The following COL4A1 variants were observed in gnomAD, a reference collection of about 807,000 sequenced individuals.
COL4A1 encodes collagen alpha-1(IV) chain.
Under a neutral mutation model 216.6 loss-of-function variants are expected in COL4A1, and 40 were observed. The observed-to-expected ratio is 0.18, with a 90% CI of 0.14 to 0.24. COL4A1 has a LOEUF of 0.24. Ranked by LOEUF, COL4A1 falls within the 10% of genes least tolerant of loss-of-function variation. COL4A1 has a pLI of 1.00. For synonymous variants in COL4A1, 839 were observed against 810.7 expected (o/e 1.03, Z -0.59); for missense variants, 1,628 against 2,196.8 (o/e 0.74, Z 5.18).
chr13:110,199,840 T>C (rs1382220788), intron 20 of COL4A1, among the ~76,000 whole-genome samples: 3 of 152,188 alleles, frequency 2.0e-5, no homozygotes, highest in East Asian at 3.9e-4. Flanking sequence ...TGAGGAGACA[T>C]GAAGTCACAC....
chr13:110,168,571 G>A (rs1208664388), intron 43 of COL4A1, among the ~76,000 whole-genome samples: 1 of 152,318 alleles, frequency 6.6e-6, no homozygotes, highest in East Asian at 1.9e-4. Context: ...TACTGATTCA[G>A]AAGTAAATCA....
In COL4A1 at chr13:110,166,321, G is replaced by A; in HGVS notation, c.3950-18C>T. 6.8e-7 allele frequency: 1 copy of A among 1,476,600 alleles called. No individual in the cohort carries two copies. The highest frequency in any genetic ancestry group is 2.3e-5 in the East Asian group (1 of 44,220). 91.5% of individuals were successfully genotyped at this position (1,476,600 alleles called of 1,614,324 possible). A position where few individuals can be genotyped will look rare whatever the true frequency, so the allele number is the denominator to read the frequency against. ...TTTTGGACCTAAAAGCAGAGGGAAA[G>A]CACTGTCTTGCACAGAATTCCCAAT... is the stretch of plus-strand genomic sequence containing the variant. On this transcript the variant is annotated intron_variant, in intron 44 of 51. Coordinates refer to ENST00000375820, the MANE Select transcript of COL4A1 (RefSeq NM_001845.6).
rs9588124 is a variant in COL4A1 at position 110,250,317 on chromosome 13, T to C, written c.85-7583A>G. Among the ~76,000 whole-genome samples, 1,122 of 152,276 alleles carry C rather than the reference T, an allele frequency of 7.4e-3. 14 individuals carry two copies. The highest frequency in any genetic ancestry group is 0.026 in the African/African-American group (1,061 of 41,558). ...TTGTACATGTGAGGTACATGCTCTA[T>C]TCTGCTTCTCAATTAGAGACTGAGT... On this transcript the variant is annotated intron_variant, in intron 1 of 51. Coordinates refer to ENST00000375820, the MANE Select transcript of COL4A1 (RefSeq NM_001845.6).
intron 2 of COL4A1, among the ~76,000 whole-genome samples, chr13:110,218,345 G>A (rs608628): frequency 0.85 from 128,721 of 152,078 alleles, 55,135 homozygotes; most frequent in Non-Finnish European, 0.92. Flanking sequence ...GCCAGCTCTC[G>A]GGGGCTTCCT....
At chr13:110,171,496 A>ACCTG (rs2139157109) in intron 41 of COL4A1, among the ~76,000 whole-genome samples, 1 of 152,354 alleles carries the variant, frequency 6.6e-6, no homozygotes, top group South Asian at 2.1e-4. Context: ...GGTTTAAAAA[A>ACCTG]TTAAAAAGTA....
At chr13:110,217,892 C>A (rs1880166602) in intron 2 of COL4A1, among the ~76,000 whole-genome samples, 1 of 152,178 alleles carries the variant, frequency 6.6e-6, no homozygotes, top group African/African-American at 2.4e-5. Context: ...TTGCTTAATG[C>A]ATTATCTAAA....
intron 1 of COL4A1, among the ~76,000 whole-genome samples, chr13:110,243,264 A>C (rs145667039): frequency 6.6e-6 from 1 of 152,242 alleles, no homozygotes; most frequent in Non-Finnish European, 1.5e-5. Context: ...TTTGAATTCA[A>C]TTAAAGCTTG....
intron 1 of COL4A1, among the ~76,000 whole-genome samples, chr13:110,275,977 T>C (rs1056823331): frequency 1.1e-4 from 17 of 152,170 alleles, no homozygotes; most frequent in African/African-American, 4.1e-4. Context: ...TGTTATACTA[T>C]AATGATGGAT....
In COL4A1 at chr13:110,149,209, C is replaced by A. The variant is rs972913085; in HGVS notation, c.*1154G>T. ...GGCCTAGTGGTCCGAATCTGCCCTC[C>A]TGCGGTCCATGCGATGCCCTGCTGA... On this transcript the variant is annotated 3_prime_UTR_variant, in exon 52 of 52. Coordinates refer to ENST00000375820, the MANE Select transcript of COL4A1 (RefSeq NM_001845.6). 3 of 154,810 alleles carry A rather than the reference C, an allele frequency of 1.9e-5. No homozygotes were observed. The highest frequency in any genetic ancestry group is 7.2e-5 in the African/African-American group (3 of 41,512). 9.6% of individuals were successfully genotyped at this position (154,810 alleles called of 1,614,324 possible). A position where few individuals can be genotyped will look rare whatever the true frequency, so the allele number is the denominator to read the frequency against.
chr13:110,166,249 C>T lies in COL4A1; in HGVS notation c.4004G>A (p.Gly1335Asp). The T allele has an allele frequency of 6.2e-7, 1 of 1,609,680 alleles. No homozygotes were observed. Among genetic ancestry groups the T allele is most frequent in the Non-Finnish European group, 8.5e-7 (1 of 1,175,892 alleles). ...TCTCCTACCTTTAGCTCCCGGGACG[C>T]CTTGATCGCCTTGATCACCTTTAAT... is the stretch of plus-strand genomic sequence containing the variant. ...QGIKGDQGDQ[G>D]VPGAKGLPGP... Residue 1335 changes from glycine (G) to aspartate (D), a missense_variant, in exon 45 of 52, where the codon GGC (glycine) becomes GAC (aspartate). Physicochemically the swap from Gly to Asp is moderately conservative, Grantham distance 94. Around this residue, in one of 8 missense-constraint regions of COL4A1, gnomAD observed 345 missense variants for 476.9 expected, o/e 0.72. Transcript: ENST00000375820.
intron 43 of COL4A1, among the ~76,000 whole-genome samples, chr13:110,168,079 G>C (rs1877427838): frequency 6.6e-6 from 1 of 151,946 alleles, no homozygotes; most frequent in Admixed American, 6.6e-5. Flanking sequence ...GAGTGCAGTG[G>C]CACCATCTCG....
At chr13:110,159,615 A>C (rs1217944042) in intron 49 of COL4A1, among the ~76,000 whole-genome samples, 1 of 152,220 alleles carries the variant, frequency 6.6e-6, no homozygotes, top group Non-Finnish European at 1.5e-5. Context: ...CCTCCAGAAC[A>C]ATTAAAAGCA....
intron 48 of COL4A1, 86 bp from the exon 49 acceptor site, chr13:110,161,455 A>G: frequency 7.1e-7 from 1 of 1,407,900 alleles, no homozygotes; most frequent in Non-Finnish European, 9.7e-7. Flanking sequence ...CTGGACAACA[A>G]GCAAAAACAT....
In COL4A1 at chr13:110,174,738, C is replaced by A. The variant is rs773055932; in HGVS notation, c.3210G>T (p.Gly1070=). Residue 1070 remains glycine (G), a synonymous_variant, in exon 38 of 52, where the codon GGG becomes GGT. Transcript: ENST00000375820. ...CAGGGCTTCCTGGGAAACCCGCTAT[C>A]CCTTGATCTCCCTGCAAGTAAAAGT... is the stretch of plus-strand genomic sequence containing the variant. The part of the protein sequence containing the change: ...PGLRGEKGDQ[G]IAGFPGSPGE... 6.2e-7 allele frequency: 1 copy of A among 1,613,546 alleles called. No homozygotes were observed. The highest frequency in any genetic ancestry group is 2.2e-5 in the East Asian group (1 of 44,868).
In COL4A1 at chr13:110,150,441, C is replaced by T; in HGVS notation, c.4932G>A (p.Lys1644=). ...CTGCCTTCAAGGTGGACGGCGTAGG[C>T]TTCCTAAAACACGACACAGAGACAG... is the stretch of plus-strand genomic sequence containing the variant. ...ATIERSEMFK[K]PTPSTLKAGE... The change falls in exon 52 of 52, where the codon AAG becomes AAA. Residue 1644 remains lysine, a synonymous_variant. Coordinates refer to ENST00000375820, the MANE Select transcript of COL4A1 (RefSeq NM_001845.6). The T allele has an allele frequency of 6.2e-7, 1 of 1,613,964 alleles. No homozygotes were observed. The highest frequency in any genetic ancestry group is 8.5e-7 in the Non-Finnish European group (1 of 1,179,954).
chr13:110,180,086 T>C (rs991689173), intron 29 of COL4A1, among the ~76,000 whole-genome samples: 1 of 152,154 alleles, frequency 6.6e-6, no homozygotes, highest in African/African-American at 2.4e-5. Context: ...AGAGGGAGGA[T>C]TTGGACATTA....
intron 50 of COL4A1, among the ~76,000 whole-genome samples, chr13:110,153,047 G>A (rs1165415119): frequency 6.6e-6 from 1 of 152,166 alleles, no homozygotes; most frequent in Non-Finnish European, 1.5e-5. Context: ...ATTGCATTTT[G>A]GTCTAGCAGG....
chr13:110,161,463 C>T (rs2138427992), intron 48 of COL4A1, 94 bp from the exon 49 acceptor site: 1 of 1,358,554 alleles, frequency 7.4e-7, no homozygotes, highest in East Asian at 2.5e-5. Flanking sequence ...CAAGCAAAAA[C>T]ATATAATCAA....
chr13:110,242,666 G>A lies in COL4A1; in HGVS notation c.144+9C>T, dbSNP rs764037653. On this transcript the variant is annotated intron_variant, in intron 2 of 51. Transcript: ENST00000375820. ...AAGAAATGTTGTGATTTAAATTTCG[G>A]CAACTCACCTTTTGTCCCTTCACTC... 2 of 1,614,084 alleles carry A rather than the reference G, an allele frequency of 1.2e-6. No individual in the cohort carries two copies. Among genetic ancestry groups the A allele is most frequent in the Admixed American group, 3.3e-5 (2 of 60,016 alleles).
Sources: gnomAD v4.1 joint callset for allele counts (sites outside exome capture counted in the v4.1 genomes callset) on GRCh38, gnomAD v4.1.1 for gene constraint, gnomAD v4.1.1 regional missense constraint, MANE v1.5 for transcripts, NCBI Gene and HGNC (gene_info 2026-07-23, HGNC 2026-07-21) for gene names.